SLC25A27: variants seen among roughly 807,000 people sequenced by gnomAD.
SLC25A27 encodes the protein solute carrier family 25 member 27, also known as mitochondrial uncoupling protein 4.
SLC25A27 carries 35 observed loss-of-function variants against 49.1 expected under a neutral mutation model. That is an observed-to-expected ratio of 0.71 (90% CI 0.54 to 0.95). The LOEUF is 0.95. Among genes scored for constraint, SLC25A27 ranks in the 40% least tolerant of loss-of-function variants. The pLI is 0.00. For missense variants in SLC25A27, 339 were observed against 397.1 expected (o/e 0.85, Z 1.24); for synonymous variants, 144 against 136.9 (o/e 1.05, Z -0.36).
chr6:46,669,934 C>T (rs760161601), intron 6 of SLC25A27, among the ~76,000 whole-genome samples: 2 of 152,222 alleles, frequency 1.3e-5, no homozygotes, highest in Non-Finnish European at 2.9e-5. Flanking sequence ...AGCAGGTGCA[C>T]AATGCCTGTT....
At position 46,668,782 on chromosome 6, in the gene SLC25A27, CG is replaced by C; in HGVS notation, c.695del (p.Gly232ValfsTer10). On this transcript the variant is annotated frameshift_variant, in exon 6 of 9. Transcript: ENST00000371347. LOFTEE classifies it high-confidence loss of function. ...CACTTGAGGACAATATCATGACTCA[CG>C]GTTTATCAAGGTAAGGATTGTTTTA... ...TPLEDNIMTH[G>X]LSSLCSGLVA... 1 of 1,587,654 alleles carries C rather than the reference CG, an allele frequency of 6.3e-7. No homozygotes were observed. Among genetic ancestry groups the C allele is most frequent in the Non-Finnish European group, 8.6e-7 (1 of 1,156,968 alleles).
In SLC25A27 at chr6:46,652,992, G is replaced by C. The variant is rs1762802892; in HGVS notation, c.-201G>C. ...GCTCCGCTGTGTTTTTCTATTCTGG[G>C]GTGTAAGGGGCAGCTGGACCACTCC... On this transcript the variant is annotated 5_prime_UTR_variant, in exon 1 of 9. Transcript: ENST00000371347. 3 of 597,414 alleles carry C rather than the reference G, an allele frequency of 5.0e-6. No individual in the cohort carries two copies. The highest frequency in any genetic ancestry group is 8.9e-6 in the Non-Finnish European group (3 of 337,228). 37.0% of individuals were successfully genotyped at this position (597,414 alleles called of 1,614,324 possible). A position where few individuals can be genotyped will look rare whatever the true frequency, so the allele number is the denominator to read the frequency against.
At chr6:46,675,138 T>TATTCAAAATCC (rs1562043986) in intron 8 of SLC25A27, among the ~76,000 whole-genome samples, 1 of 152,010 alleles carries the variant, frequency 6.6e-6, no homozygotes, top group East Asian at 1.9e-4. Flanking sequence ...ATTCAAAATC[T>TATTCAAAATCC]AGCTAAACTC....
chr6:46,658,377 TGAGTTTCTTTTCATTTG>T, intron 2 of SLC25A27: 1 of 234,114 alleles, frequency 4.3e-6, no homozygotes, highest in Non-Finnish European at 8.6e-6. Flanking sequence ...ATTATTATTT[TGAGTTTCTTTTCATTTG>T]TAGTTTGTTG....
intron 4 of SLC25A27, among the ~76,000 whole-genome samples, chr6:46,663,679 C>T (rs1016733648): frequency 6.6e-6 from 1 of 151,952 alleles, no homozygotes; most frequent in African/African-American, 2.4e-5. Flanking sequence ...ATTGAATGCA[C>T]CTAATGTAGT....
At chr6:46,673,018 G>A (rs1222850878) in intron 8 of SLC25A27, among the ~76,000 whole-genome samples, 2 of 152,146 alleles carry the variant, frequency 1.3e-5, no homozygotes, top group Admixed American at 6.5e-5. Flanking sequence ...CAAAACTGTG[G>A]TTGTTTCTTA....
At chr6:46,670,739 T>C (rs1050377505) in intron 7 of SLC25A27, among the ~76,000 whole-genome samples, 12 of 152,102 alleles carry the variant, frequency 7.9e-5, no homozygotes, top group African/African-American at 2.9e-4. Context: ...ATTTTATTTA[T>C]TTATTTATTT....
chr6:46,665,325 T>C (rs990545979), intron 5 of SLC25A27, among the ~76,000 whole-genome samples: 8 of 152,170 alleles, frequency 5.3e-5, no homozygotes, highest in African/African-American at 1.7e-4. Flanking sequence ...AATGTTCTCT[T>C]AACTCATCCC....
chr6:46,653,156 C>G lies in SLC25A27; in HGVS notation c.-37C>G, dbSNP rs888942777. Reference sequence around the variant, plus strand: ...GCCGCGGCGCGGTGCAGCGCAGCGGCGAGAAGGAGTGCGTTATCGTCTTGC... The same window carrying G: ...GCCGCGGCGCGGTGCAGCGCAGCGGGGAGAAGGAGTGCGTTATCGTCTTGC... On this transcript the variant is annotated 5_prime_UTR_variant, in exon 1 of 9. Transcript: ENST00000371347. 1 of 1,577,534 alleles carries G rather than the reference C, an allele frequency of 6.3e-7. No homozygotes were observed. The highest frequency in any genetic ancestry group is 8.7e-7 in the Non-Finnish European group (1 of 1,151,218).
Position 46,659,014 on chromosome 6 carries a change from T to G in SLC25A27, c.351T>G (p.Phe117Leu), listed in dbSNP as rs2150635677. The G allele has an allele frequency of 6.2e-7, 1 of 1,613,488 alleles. No homozygotes were observed. The highest frequency in any genetic ancestry group is 1.3e-5 in the African/African-American group (1 of 75,028). The change falls in exon 3 of 9, where the codon TTT becomes TTG. Residue 117 changes from phenylalanine to leucine, a missense_variant. By Grantham distance (22) the Phe-to-Leu change is conservative. Coordinates refer to ENST00000371347, the MANE Select transcript of SLC25A27 (RefSeq NM_004277.5). ...ATGAACATCTCCGAGAGGTTGTGTTTGGCAAAAGTGAAGATGAGCATTATC... is the reference window on the plus strand; with the variant it reads ...ATGAACATCTCCGAGAGGTTGTGTTGGGCAAAAGTGAAGATGAGCATTATC... Reference protein sequence around the residue: ...VTYEHLREVVFGKSEDEHYPL... With the variant: ...VTYEHLREVVLGKSEDEHYPL...
intron 2 of SLC25A27, among the ~76,000 whole-genome samples, chr6:46,656,372 G>A (rs1176535337): frequency 6.7e-6 from 1 of 148,534 alleles, no homozygotes; most frequent in African/African-American, 2.5e-5. Context: ...TTTTTAGAGA[G>A]TCTCGCTCTG....
At position 46,653,118 on chromosome 6, in the gene SLC25A27, C is replaced by G; in HGVS notation, c.-75C>G. ...GCCGGTTGAAAAGGGGCCGCCCTGG[C>G]AGGGAAGCGGCCGCCGCGGCGCGGT... On this transcript the variant is annotated 5_prime_UTR_variant, in exon 1 of 9. Transcript: ENST00000371347. 7.1e-7 allele frequency: 1 copy of G among 1,410,550 alleles called. No homozygotes were observed. Among genetic ancestry groups the G allele is most frequent in the Non-Finnish European group, 9.9e-7 (1 of 1,010,762 alleles). 87.4% of individuals were successfully genotyped at this position (1,410,550 alleles called of 1,614,324 possible).
Position 46,676,486 on chromosome 6 carries a change from T to C in SLC25A27, c.*32T>C. On this transcript the variant is annotated 3_prime_UTR_variant, in exon 9 of 9. Coordinates refer to ENST00000371347, the MANE Select transcript of SLC25A27 (RefSeq NM_004277.5). ...AAAGATGCAACCCTTAAAGATACAG[T>C]GTTCAGTATTATTGAAATATGGGCA... The C allele has an allele frequency of 6.2e-7, 1 of 1,612,864 alleles. No individual in the cohort carries two copies. Among genetic ancestry groups the C allele is most frequent in the Non-Finnish European group, 8.5e-7 (1 of 1,179,208 alleles).
chr6:46,653,696 T>C, intron 1 of SLC25A27: 1 of 985,424 alleles, frequency 1.0e-6, no homozygotes, highest in Non-Finnish European at 1.2e-6. Flanking sequence ...TGTCATTATC[T>C]TGTGGGTCCA....
In SLC25A27 at chr6:46,653,056, G is replaced by A; in HGVS notation, c.-137G>A. ...AGGAAGGTTGCGGGTCCACCCGGCC[G>A]AGCCGAACGAGGGAAATGGTCCTCA... On this transcript the variant is annotated 5_prime_UTR_variant, in exon 1 of 9. Transcript: ENST00000371347. 1 of 800,318 alleles carries A rather than the reference G, an allele frequency of 1.2e-6. No homozygotes were observed. Among genetic ancestry groups the A allele is most frequent in the Non-Finnish European group, 2.0e-6 (1 of 497,720 alleles). The allele number at this position is 800,318 out of a possible 1,614,324, so 49.6% of individuals were successfully genotyped here. A position where few individuals can be genotyped will look rare whatever the true frequency, so the allele number is the denominator to read the frequency against.
At chr6:46,653,461 AG>A (rs1762840674) in intron 1 of SLC25A27, 163 bp downstream of exon 1, 11 of 985,298 alleles carry the variant, frequency 1.1e-5, no homozygotes, top group African/African-American at 1.7e-5. Context: ...CGGTGGGAGG[AG>A]GAGGGATTGA....
At chr6:46,653,705 C>T (rs1315165001) in intron 1 of SLC25A27, 3 of 985,222 alleles carry the variant, frequency 3.0e-6, no homozygotes, top group Non-Finnish European at 2.4e-6. Flanking sequence ...CTTGTGGGTC[C>T]AAGTTGTGGA....
intron 2 of SLC25A27, among the ~76,000 whole-genome samples, chr6:46,656,672 G>A (rs1762991261): frequency 6.6e-6 from 1 of 152,062 alleles, no homozygotes; most frequent in South Asian, 2.1e-4. Context: ...ACCTGACTTG[G>A]CCTCCCAAAG....
Position 46,653,164 on chromosome 6 carries a change from A to C in SLC25A27, c.-29A>C, listed in dbSNP as rs986273676. The C allele has an allele frequency of 1.9e-6, 3 of 1,590,112 alleles. No homozygotes were observed. The Admixed American group carries it at 5.0e-5, about 27-fold the overall frequency. ...GCGGTGCAGCGCAGCGGCGAGAAGG[A>C]GTGCGTTATCGTCTTGCGCTACTGC... On this transcript the variant is annotated 5_prime_UTR_variant, in exon 1 of 9. Transcript: ENST00000371347.
Sources: gnomAD v4.1 joint callset for allele counts (sites outside exome capture counted in the v4.1 genomes callset) on GRCh38, gnomAD v4.1.1 for gene constraint, MANE v1.5 for transcripts, NCBI Gene and HGNC (gene_info 2026-07-23, HGNC 2026-07-21) for gene names.